MEI1: variants seen among roughly 807,000 people sequenced by gnomAD.
MEI1 encodes the protein meiosis inhibitor protein 1.
Under a neutral mutation model 146.2 loss-of-function variants are expected in MEI1, and 103 were observed. That is an observed-to-expected ratio of 0.70 (90% confidence interval 0.60 to 0.83). MEI1 has a LOEUF of 0.83. MEI1 is among the 40% of genes least tolerant of loss of function. MEI1 has a pLI of 0.00. For synonymous variants in MEI1, 652 were observed against 628.2 expected (o/e 1.04, Z -0.57); for missense variants, 1,529 against 1,533.0 (o/e 1.00, Z 0.04).
At chr22:41,755,435 C>G (rs1249052082) in intron 17 of MEI1, among the ~76,000 whole-genome samples, 1 of 152,194 alleles carries the variant, frequency 6.6e-6, no homozygotes, top group East Asian at 1.9e-4. Context: ...GGTTCTCTCA[C>G]TATGCTGGCT....
intron 23 of MEI1, 84 bp from the exon 24 acceptor site, chr22:41,781,601 C>A: frequency 6.8e-7 from 1 of 1,480,632 alleles, no homozygotes; most frequent in Non-Finnish European, 9.2e-7. Flanking sequence ...TGTGAAGCCC[C>A]AATCAGGTGC....
chr22:41,734,862 C>T (rs938959756), intron 11 of MEI1, among the ~76,000 whole-genome samples: 5 of 151,940 alleles, frequency 3.3e-5, no homozygotes, highest in African/African-American at 1.2e-4. Flanking sequence ...GTCTCGAACT[C>T]CTGACCTCAG....
Position 41,699,523 on chromosome 22 carries a change from G to A in MEI1, c.-16G>A, listed in dbSNP as rs1422092695. ...CGCGGGAAAGAGTGCCGCCTCAGCTGAGGGCAAGCGAGGAGATGGCTGTGA... is the reference window on the plus strand; with the variant it reads ...CGCGGGAAAGAGTGCCGCCTCAGCTAAGGGCAAGCGAGGAGATGGCTGTGA... On this transcript the variant is annotated 5_prime_UTR_variant, in exon 1 of 31. Coordinates refer to ENST00000401548, the MANE Select transcript of MEI1 (RefSeq NM_152513.4). 3 of 1,602,336 alleles carry A rather than the reference G, an allele frequency of 1.9e-6. No individual in the cohort carries two copies. The highest frequency in any genetic ancestry group is 1.1e-5 in the South Asian group (1 of 90,024).
intron 21 of MEI1, among the ~76,000 whole-genome samples, chr22:41,776,988 T>G (rs1330551416): frequency 1.3e-5 from 2 of 151,610 alleles, no homozygotes; most frequent in African/African-American, 2.4e-5. Flanking sequence ...CTAATTTTTT[T>G]GTATTTTCAG....
At chr22:41,773,476 A>G (rs1278105227) in intron 20 of MEI1, among the ~76,000 whole-genome samples, 1 of 151,566 alleles carries the variant, frequency 6.6e-6, no homozygotes, top group East Asian at 1.9e-4. Context: ...GCCCAAGGTC[A>G]TATAGTTAAT....
intron 19 of MEI1, among the ~76,000 whole-genome samples, chr22:41,767,929 G>A (rs753774064): frequency 6.6e-6 from 1 of 152,160 alleles, no homozygotes; most frequent in East Asian, 1.9e-4. Flanking sequence ...GAACTTTGAA[G>A]CTGAGAGCAG....
chr22:41,750,337 G>A (rs2073663684), intron 15 of MEI1, among the ~76,000 whole-genome samples: 2 of 152,206 alleles, frequency 1.3e-5, no homozygotes, highest in Non-Finnish European at 2.9e-5. Context: ...TTGTGGATTG[G>A]GGAGTAGTCA....
At chr22:41,778,614 C>T (rs2075592972) in intron 21 of MEI1, 94 bp from the exon 22 acceptor site, 1 of 911,342 alleles carries the variant, frequency 1.1e-6, no homozygotes, top group Non-Finnish European at 1.7e-6. Flanking sequence ...AACTTTGAAC[C>T]TGTTATTAAG....
At chr22:41,700,148 C>T (rs2068586344) in intron 1 of MEI1, among the ~76,000 whole-genome samples, 4 of 152,204 alleles carry the variant, frequency 2.6e-5, no homozygotes, top group Non-Finnish European at 5.9e-5. Flanking sequence ...CATGCGGCGG[C>T]CGCTCCTCAT....
chr22:41,771,460 C>G (rs5996062), intron 20 of MEI1, among the ~76,000 whole-genome samples: 126,839 of 152,088 alleles, frequency 0.83, 53,842 homozygotes, highest in African/African-American at 0.95. Flanking sequence ...TCTGGAGACA[C>G]AGTCTCACAC....
chr22:41,704,040 C>T (rs1015938933), intron 2 of MEI1, among the ~76,000 whole-genome samples: 1 of 152,150 alleles, frequency 6.6e-6, no homozygotes, highest in African/African-American at 2.4e-5. Context: ...TTGTACAGGA[C>T]CAGAATGGAG....
chr22:41,781,672 C>G lies in MEI1; in HGVS notation c.2927-13C>G, dbSNP rs756251580. ...GTAACTCCTGTGGGCCCTGCCTTGC[C>G]CACCCCCGACAGCTGCTGCAGTGCT... On this transcript the variant is annotated splice_polypyrimidine_tract_variant and intron_variant, in intron 23 of 30. Coordinates refer to ENST00000401548, the MANE Select transcript of MEI1 (RefSeq NM_152513.4). The G allele has an allele frequency of 5.0e-6, 8 of 1,610,878 alleles. No individual in the cohort carries two copies. Among genetic ancestry groups the G allele is most frequent in the African/African-American group, 1.3e-5 (1 of 74,840 alleles).
chr22:41,742,982 T>C, intron 11 of MEI1, 98 bp from the exon 12 acceptor site: 1 of 784,678 alleles, frequency 1.3e-6, no homozygotes, highest in East Asian at 2.7e-5. Context: ...TTCCATGTTC[T>C]GATCCAACTG....
At chr22:41,782,145 G>A (rs1021518919) in intron 24 of MEI1, among the ~76,000 whole-genome samples, 1 of 152,204 alleles carries the variant, frequency 6.6e-6, no homozygotes, top group Non-Finnish European at 1.5e-5. Context: ...GGAACTTGTA[G>A]TCTTTAAGGA....
intron 3 of MEI1, 31 bp downstream of exon 3, chr22:41,705,585 A>C (rs773751490): frequency 6.3e-7 from 1 of 1,590,662 alleles, no homozygotes; most frequent in Middle Eastern, 1.7e-4. Context: ...TAGCACTTGA[A>C]GATGAAAGTA....
In MEI1 at chr22:41,780,681, G is replaced by A. The variant is rs150941467; in HGVS notation, c.2816-603G>A. ...CTGCAGCCTCTACCTCTCGGGCTCA[G>A]GCGATCCTTCCACCTCAGCCTCTCG... On this transcript the variant is annotated intron_variant, in intron 22 of 30. Coordinates refer to ENST00000401548, the MANE Select transcript of MEI1 (RefSeq NM_152513.4). Among the ~76,000 whole-genome samples the A allele has an allele frequency of 1.4e-3, 214 of 150,966 alleles. 1 individual carries two copies. Among genetic ancestry groups the A allele is most frequent in the African/African-American group, 5.1e-3 (209 of 41,034 alleles).
At chr22:41,721,237 CTTTTTTT>C (rs984702207) in intron 6 of MEI1, among the ~76,000 whole-genome samples, 1 of 70,484 alleles carries the variant, frequency 1.4e-5, no homozygotes, top group African/African-American at 6.9e-5. Flanking sequence ...CACGCCCGTT[CTTTTTTT>C]TTTTTTTTTT....
intron 21 of MEI1, among the ~76,000 whole-genome samples, chr22:41,776,737 G>A (rs2075456185): frequency 6.6e-6 from 1 of 151,930 alleles, no homozygotes; most frequent in African/African-American, 2.4e-5. Context: ...CTTGATGTTT[G>A]GTACAGTATG....
At chr22:41,700,401 G>C (rs1213269742) in intron 1 of MEI1, among the ~76,000 whole-genome samples, 6 of 152,204 alleles carry the variant, frequency 3.9e-5, no homozygotes, top group African/African-American at 1.4e-4. Context: ...CGCCATCTCC[G>C]CTCACTGCAA....
Sources: gnomAD v4.1 joint callset for allele counts (sites outside exome capture counted in the v4.1 genomes callset) on GRCh38, gnomAD v4.1.1 for gene constraint, MANE v1.5 for transcripts, NCBI Gene and HGNC (gene_info 2026-07-23, HGNC 2026-07-21) for gene names.